GMDS: variants seen among roughly 807,000 people sequenced by gnomAD.
GMDS encodes GDP-mannose 4,6 dehydratase.
In GMDS, 20 loss-of-function variants were observed where a neutral mutation model predicts 49.9. That is an observed-to-expected ratio of 0.40 (90% CI 0.28 to 0.58). GMDS has a LOEUF of 0.58. GMDS is among the 20% of genes least tolerant of loss of function. GMDS has a pLI of 0.42. For missense variants in GMDS, 362 were observed against 481.4 expected (o/e 0.75, Z 2.32); for synonymous variants, 177 against 178.6 (o/e 0.99, Z 0.07).
chr6:2,162,207 A>T (rs1034195445), intron 1 of GMDS, among the ~76,000 whole-genome samples: 4 of 152,200 alleles, frequency 2.6e-5, no homozygotes, highest in African/African-American at 9.7e-5. Flanking sequence ...CAAGGAGCAG[A>T]AAGAATACCT....
intron 4 of GMDS, among the ~76,000 whole-genome samples, chr6:1,976,860 AT>A (rs2127336771): frequency 6.6e-6 from 1 of 152,356 alleles, no homozygotes; most frequent in East Asian, 1.9e-4. Context: ...TTTAGATTTT[AT>A]GGGAAAACAC....
At chr6:1,851,382 TATC>T (rs1757661563) in intron 7 of GMDS, among the ~76,000 whole-genome samples, 1 of 152,210 alleles carries the variant, frequency 6.6e-6, no homozygotes, top group African/African-American at 2.4e-5. Context: ...TATTTGCTGA[TATC>T]ATTTCAACAT....
chr6:1,848,445 A>C (rs1757512603), intron 7 of GMDS, among the ~76,000 whole-genome samples: 1 of 152,168 alleles, frequency 6.6e-6, no homozygotes, highest in Non-Finnish European at 1.5e-5. Context: ...AGCAAAAAGC[A>C]CTTTATCCTT....
At chr6:2,073,698 C>A (rs77690599) in intron 4 of GMDS, among the ~76,000 whole-genome samples, 2,543 of 152,288 alleles carry the variant, frequency 0.017, 53 homozygotes, top group South Asian at 0.11. Context: ...TGGCATCTAT[C>A]GTTCTACTCT....
chr6:1,994,658 G>T (rs6921819), intron 4 of GMDS, among the ~76,000 whole-genome samples: 3 of 151,778 alleles, frequency 2.0e-5, no homozygotes, highest in African/African-American at 7.3e-5. Context: ...CATATGGTAC[G>T]CAGAGAAAAA....
chr6:2,178,137 G>A (rs1387204451), intron 1 of GMDS, among the ~76,000 whole-genome samples: 2 of 152,202 alleles, frequency 1.3e-5, no homozygotes, highest in Non-Finnish European at 2.9e-5. Flanking sequence ...GACTACTGGC[G>A]GGAGGGAAGA....
chr6:1,657,341 G>C (rs920617175), intron 9 of GMDS, among the ~76,000 whole-genome samples: 3 of 152,206 alleles, frequency 2.0e-5, no homozygotes, highest in Non-Finnish European at 4.4e-5. Context: ...TGCTGGAAGC[G>C]GTGCTTATGC....
intron 9 of GMDS, among the ~76,000 whole-genome samples, chr6:1,648,672 T>C (rs1380005855): frequency 6.6e-6 from 1 of 152,272 alleles, no homozygotes; most frequent in African/African-American, 2.4e-5. Context: ...AGTTTCATAA[T>C]ACTTTAATCA....
chr6:2,003,753 G>C (rs12661847), intron 4 of GMDS, among the ~76,000 whole-genome samples: 34,610 of 152,028 alleles, frequency 0.23, 4,077 homozygotes, highest in Non-Finnish European at 0.24. Flanking sequence ...AATCGTCTCA[G>C]AAATAAACTG....
intron 9 of GMDS, among the ~76,000 whole-genome samples, chr6:1,644,799 C>T (rs1379481127): frequency 1.3e-5 from 2 of 152,184 alleles, no homozygotes; most frequent in Non-Finnish European, 2.9e-5. Flanking sequence ...CAAGCTCTGA[C>T]AGCTTTGGCT....
rs139771691 is a variant in GMDS, at chr6:2,156,916, A to G, written c.103-32185T>C. On this transcript the variant is annotated intron_variant, in intron 1 of 10. Coordinates refer to ENST00000380815, the MANE Select transcript of GMDS (RefSeq NM_001500.4). The stretch of plus-strand genomic sequence containing the variant: ...CCAAATGCCACAGTTTTCTCTGTAC[A>G]TATTGCTAAATTCATTGAACATAAA... Among the ~76,000 whole-genome samples the G allele has an allele frequency of 5.7e-3, 865 of 152,342 alleles. 2 individuals are homozygous for G. The highest frequency in any genetic ancestry group is 0.017 in the Middle Eastern group (5 of 294).
chr6:1,800,431 C>A (rs1216419573), intron 7 of GMDS, among the ~76,000 whole-genome samples: 1 of 151,946 alleles, frequency 6.6e-6, no homozygotes, highest in Non-Finnish European at 1.5e-5. Context: ...CTACTCACAA[C>A]CATTTCTTTT....
intron 9 of GMDS, among the ~76,000 whole-genome samples, chr6:1,680,925 A>C (rs1452278900): frequency 6.6e-6 from 1 of 152,258 alleles, no homozygotes; most frequent in East Asian, 1.9e-4. Flanking sequence ...AAGTCACATC[A>C]GTGGGTGAGA....
chr6:2,207,654 T>C (rs1356683481), intron 1 of GMDS, among the ~76,000 whole-genome samples: 3 of 152,000 alleles, frequency 2.0e-5, no homozygotes, highest in African/African-American at 7.3e-5. Flanking sequence ...ACCTAGCAGA[T>C]GCTCAGTAAA....
rs767958696 is a variant in GMDS at position 1,960,952 on chromosome 6, G to A, written c.360C>T (p.Leu120=). 14 of 1,530,996 alleles carry A rather than the reference G, an allele frequency of 9.1e-6. No individual in the cohort carries two copies. The highest frequency in any genetic ancestry group is 8.6e-5 in the Admixed American group (5 of 58,442). The allele number at this position is 1,530,996 out of a possible 1,614,324, so 94.8% of individuals were successfully genotyped here. Residue 120 remains leucine (L), a synonymous_variant, in exon 5 of 11, where the codon CTC becomes CTT. Coordinates refer to ENST00000380815, the MANE Select transcript of GMDS (RefSeq NM_001500.4). ...AQSHVKISFD[L]AEYTADVDGV... The stretch of plus-strand genomic sequence containing the variant: ...CGTCAACGTCCGCAGTGTACTCAGC[G>A]AGGTCAAAGGAAATCTGGAAAAAGC...
chr6:1,651,310 G>T (rs968376881), intron 9 of GMDS, among the ~76,000 whole-genome samples: 8 of 152,234 alleles, frequency 5.3e-5, no homozygotes, highest in African/African-American at 1.9e-4. Context: ...TGAGGGAGCA[G>T]CCTGGCATGG....
intron 1 of GMDS, among the ~76,000 whole-genome samples, chr6:2,214,676 T>C (rs73420758): frequency 0.02 from 3,094 of 152,202 alleles, 95 homozygotes; most frequent in African/African-American, 0.068. Context: ...TTTTTTTACA[T>C]AAATTTTCTT....
At chr6:1,875,448 T>G (rs554109830) in intron 7 of GMDS, among the ~76,000 whole-genome samples, 2 of 151,814 alleles carry the variant, frequency 1.3e-5, no homozygotes, top group Non-Finnish European at 2.9e-5. Context: ...TACAGAAAAA[T>G]TGTAGCACAC....
chr6:1,894,491 T>C (rs756206480), intron 7 of GMDS, among the ~76,000 whole-genome samples: 13 of 152,224 alleles, frequency 8.5e-5, no homozygotes, highest in Non-Finnish European at 1.6e-4. Context: ...AAGAGAACAA[T>C]AATGAATACT....
Sources: allele counts gnomAD v4.1 joint callset (sites outside exome capture counted in the v4.1 genomes callset), GRCh38; gene constraint gnomAD v4.1.1; transcripts MANE v1.5; gene names NCBI Gene and HGNC (gene_info 2026-07-23, HGNC 2026-07-21).